The following GPC4 variants were observed in gnomAD, a reference collection of about 807,000 sequenced individuals.
GPC4 encodes glypican-4.
GPC4 carries 10 observed loss-of-function variants against 35.0 expected under a neutral mutation model. The observed-to-expected ratio is 0.29, with a 90% CI of 0.18 to 0.48. The LOEUF (loss-of-function observed/expected upper bound fraction) is 0.48, where lower values mean the gene tolerates loss of function less well. Ranked by LOEUF, GPC4 falls within the 20% of genes least tolerant of loss-of-function variation. The probability of loss-of-function intolerance (pLI) is 0.99; values close to 1 mark genes in which losing one functional copy is unlikely to be tolerated. For missense variants in GPC4, 322 were observed against 451.3 expected (o/e 0.71, Z 2.60); for synonymous variants, 167 against 170.2 (o/e 0.98, Z 0.15).
At chrX:133,307,701 C>T (rs1021309332) in intron 4 of GPC4, among the ~76,000 whole-genome samples, 5 of 111,671 alleles carry the variant, frequency 4.5e-5, no homozygotes, top group African/African-American at 1.6e-4. Flanking sequence ...AAAGCACATT[C>T]CTTCGTAAGC....
chrX:133,402,757 G>C (rs1469492681), intron 1 of GPC4, among the ~76,000 whole-genome samples: 1 of 110,240 alleles, frequency 9.1e-6, no homozygotes, highest in Non-Finnish European at 1.9e-5. Context: ...ACCAAAATTA[G>C]CCGAGCATGG....
At chrX:133,321,568 A>G (rs775027855) in intron 3 of GPC4, among the ~76,000 whole-genome samples, 5 of 112,559 alleles carry the variant, frequency 4.4e-5, no homozygotes, top group Non-Finnish European at 9.4e-5. Context: ...ACATGCATGC[A>G]CAGATGTCCA....
intron 1 of GPC4, among the ~76,000 whole-genome samples, chrX:133,406,661 A>G (rs991827641): frequency 2.8e-5 from 3 of 106,221 alleles, no homozygotes; most frequent in Admixed American, 2.0e-4. Context: ...AAGCAGGAGA[A>G]TCACTTGAAC....
chrX:133,329,455 G>A (rs1018191972), intron 2 of GPC4, among the ~76,000 whole-genome samples: 2 of 111,446 alleles, frequency 1.8e-5, no homozygotes, highest in African/African-American at 6.5e-5. Flanking sequence ...CTAAGAAGAC[G>A]CAAGGCCTTA....
intron 1 of GPC4, among the ~76,000 whole-genome samples, chrX:133,344,169 T>C (rs369138288): frequency 1.3e-4 from 13 of 102,478 alleles, no homozygotes; most frequent in African/African-American, 4.2e-4. Context: ...CTTTCTTTCT[T>C]TATTTTCTTT....
At chrX:133,376,881 G>A (rs1895639240) in intron 1 of GPC4, among the ~76,000 whole-genome samples, 1 of 111,761 alleles carries the variant, frequency 8.9e-6, no homozygotes, top group African/African-American at 3.3e-5. Context: ...GTCAATGTCT[G>A]TGGCCTGCAA....
At chrX:133,321,608 C>T (rs1323853495) in intron 3 of GPC4, among the ~76,000 whole-genome samples, 1 of 112,428 alleles carries the variant, frequency 8.9e-6, no homozygotes, top group Non-Finnish European at 1.9e-5. Flanking sequence ...TCTGCCCTTT[C>T]AGTGGAGGAT....
intron 1 of GPC4, among the ~76,000 whole-genome samples, chrX:133,400,067 G>A (rs1489711738): frequency 1.5e-4 from 17 of 112,353 alleles, no homozygotes. Flanking sequence ...ACTGAAGGAT[G>A]TGTCTCCCCA....
chrX:133,311,544 C>T (rs746128607), intron 3 of GPC4, 121 bp from the exon 4 acceptor site: 1 of 657,330 alleles, frequency 1.5e-6, no homozygotes, highest in Non-Finnish European at 2.4e-6. Flanking sequence ...TGATTGATCA[C>T]AATTAGTAAG....
intron 2 of GPC4, among the ~76,000 whole-genome samples, chrX:133,336,963 C>T (rs1053902418): frequency 1.8e-5 from 2 of 110,541 alleles, no homozygotes; most frequent in Admixed American, 9.7e-5. Flanking sequence ...GGACCATAGG[C>T]GCACACCACC....
chrX:133,367,650 T>C (rs2068595570), intron 1 of GPC4, among the ~76,000 whole-genome samples: 1 of 111,132 alleles, frequency 9.0e-6, no homozygotes, highest in Non-Finnish European at 1.9e-5. Context: ...GGGAGAATGC[T>C]TGAGCCCGGG....
chrX:133,355,533 T>C (rs1412018445), intron 1 of GPC4, among the ~76,000 whole-genome samples: 1 of 112,245 alleles, frequency 8.9e-6, no homozygotes, highest in Non-Finnish European at 1.9e-5. Flanking sequence ...GGTTTAAAAC[T>C]CTTCTAACAG....
intron 1 of GPC4, among the ~76,000 whole-genome samples, chrX:133,391,726 A>G (rs988149557): frequency 8.9e-6 from 1 of 111,773 alleles, no homozygotes; most frequent in Non-Finnish European, 1.9e-5. Context: ...CAAGCAAGAT[A>G]TAAGCTGAAC....
intron 3 of GPC4, among the ~76,000 whole-genome samples, chrX:133,313,236 A>C (rs887422706): frequency 8.9e-6 from 1 of 112,364 alleles, no homozygotes; most frequent in African/African-American, 3.2e-5. Flanking sequence ...GAGAAAAAAA[A>C]CAGTCAGGCT....
At chrX:133,341,594 G>T (rs1009044182) in intron 1 of GPC4, among the ~76,000 whole-genome samples, 1 of 109,889 alleles carries the variant, frequency 9.1e-6, no homozygotes, top group African/African-American at 3.3e-5. Context: ...CCTAATAAAG[G>T]GTCACTTACT....
At chrX:133,335,323 A>C (rs1232176612) in intron 2 of GPC4, among the ~76,000 whole-genome samples, 1 of 111,491 alleles carries the variant, frequency 9.0e-6, no homozygotes, top group Non-Finnish European at 1.9e-5. Flanking sequence ...GGGTTTAAAA[A>C]ATGATAGCAT....
intron 1 of GPC4, among the ~76,000 whole-genome samples, chrX:133,367,112 A>G (rs2068593093): frequency 1.8e-5 from 2 of 111,983 alleles, no homozygotes; most frequent in African/African-American, 3.2e-5. Context: ...AGTATACTTT[A>G]ATTTTCAATA....
intron 1 of GPC4, among the ~76,000 whole-genome samples, chrX:133,347,248 GTTTTTTTTTTTTTTTT>G (rs763800349): frequency 9.0e-4 from 23 of 25,432 alleles, no homozygotes; most frequent in Admixed American, 8.3e-3. Flanking sequence ...TCTATTAGAA[GTTTTTTTTTTTTTTTT>G]TTTTTTTTTT....
At chrX:133,306,794 C>CATGT (rs2068292935) in intron 4 of GPC4, among the ~76,000 whole-genome samples, 1 of 111,567 alleles carries the variant, frequency 9.0e-6, no homozygotes, top group African/African-American at 3.3e-5. Context: ...TATCTTAAGG[C>CATGT]ATGTACCTCC....
Sources: allele counts gnomAD v4.1 joint callset (sites outside exome capture counted in the v4.1 genomes callset), GRCh38; gene constraint gnomAD v4.1.1; transcripts MANE v1.5; gene names NCBI Gene and HGNC (gene_info 2026-07-23, HGNC 2026-07-21).